TVP23A: variants seen among roughly 807,000 people sequenced by gnomAD.
TVP23A encodes trans-golgi network vesicle protein 23 homolog A.
Under a neutral mutation model 31.7 loss-of-function variants are expected in TVP23A, and 21 were observed. That is an observed-to-expected ratio of 0.66 (90% CI 0.47 to 0.95). The LOEUF (loss-of-function observed/expected upper bound fraction) is 0.95. Ranked by LOEUF, TVP23A falls within the 40% of genes least tolerant of loss-of-function variation. The pLI, the probability that TVP23A is intolerant of heterozygous loss-of-function variation, is 0.00. For synonymous variants in TVP23A, 104 were observed against 96.0 expected (o/e 1.08, Z -0.49); for missense variants, 279 against 255.6 (o/e 1.09, Z -0.62).
In TVP23A at chr16:10,767,581, A is replaced by G. The variant is rs1596482088; in HGVS notation, c.*1521T>C. 2.2e-6 allele frequency: 1 copy of G among 454,158 alleles called. No individual in the cohort carries two copies. The highest frequency in any genetic ancestry group is 3.3e-5 in the East Asian group (1 of 30,124). 28.1% of individuals were successfully genotyped at this position (454,158 alleles called of 1,614,324 possible). On this transcript the variant is annotated 3_prime_UTR_variant, in exon 8 of 8. Coordinates refer to ENST00000299866, the MANE Select transcript of TVP23A (RefSeq NM_001079512.4). The surrounding 1 kb of genome is among the most constrained non-coding windows in gnomAD (Gnocchi z 4.6). ...CTTTTCGGACTTGGCCTTTTATGCC[A>G]TATCCTTTTGCATTCTGTACTTTTT... is the stretch of plus-strand genomic sequence containing the variant.
intron 2 of TVP23A, among the ~76,000 whole-genome samples, chr16:10,775,986 T>G (rs901626718): frequency 4.6e-5 from 7 of 150,776 alleles, no homozygotes; most frequent in Non-Finnish European, 1.0e-4. Context: ...TGACCTCAGG[T>G]GATCTGTCCA....
rs115806726 is a variant in TVP23A at position 10,799,166 on chromosome 16, A to T, written c.89+18937T>A. On this transcript the variant is annotated intron_variant, in intron 2 of 7. Coordinates refer to ENST00000299866, the MANE Select transcript of TVP23A (RefSeq NM_001079512.4). ...TGACTGCAGCTCTGAGCAACCTCTG[A>T]CTACAACCTCTGGAGACCCTGAGCC... 9.9e-3 allele frequency among the ~76,000 whole-genome samples: 1,510 copies of T among 152,276 alleles called. 27 individuals are homozygous for T. Among genetic ancestry groups the T allele is most frequent in the African/African-American group, 0.034 (1,425 of 41,554 alleles).
chr16:10,805,602 C>T (rs935777560), intron 2 of TVP23A, among the ~76,000 whole-genome samples: 1 of 149,990 alleles, frequency 6.7e-6, no homozygotes, highest in Non-Finnish European at 1.5e-5. Flanking sequence ...ATGGAACCCC[C>T]GAGGCTGGGC....
chr16:10,778,992 G>C (rs1018952097), intron 2 of TVP23A, among the ~76,000 whole-genome samples: 3 of 152,190 alleles, frequency 2.0e-5, no homozygotes, highest in African/African-American at 7.2e-5. Flanking sequence ...AAATGTCAAA[G>C]TGTGAGCCAA....
At chr16:10,761,842 C>T, downstream of TVP23A, 1 of 1,613,984 alleles carries the variant, frequency 6.2e-7, no homozygotes, top group Non-Finnish European at 8.5e-7. Flanking sequence ...GGCAGAGTGC[C>T]CCTGGATCCG....
Position 10,767,458 on chromosome 16 carries a change from G to C in TVP23A, c.*1644C>G, listed in dbSNP as rs1034539795. The C allele has an allele frequency of 2.5e-6, 1 of 395,906 alleles. No individual in the cohort carries two copies. Among genetic ancestry groups the C allele is most frequent in the Admixed American group, 4.4e-5 (1 of 22,822 alleles). The allele number at this position is 395,906 out of a possible 1,614,324, so 24.5% of individuals were successfully genotyped here. A position where few individuals can be genotyped will look rare whatever the true frequency, so the allele number is the denominator to read the frequency against. On this transcript the variant is annotated 3_prime_UTR_variant, in exon 8 of 8. Transcript: ENST00000299866. This position sits in a 1 kb window ranked among gnomAD's most constrained non-coding sequence, Gnocchi z 4.6. ...TCATGTGCTCCCATTCGTATTTTAG[G>C]TATATGAGAGTGTGTGTATGTGTGT...
intron 7 of TVP23A, 81 bp downstream of exon 7, chr16:10,770,190 AC>A: frequency 6.6e-7 from 1 of 1,514,682 alleles, no homozygotes. Context: ...GCCCACCCAG[AC>A]CCCGGGCCCC....
intron 6 of TVP23A, among the ~76,000 whole-genome samples, chr16:10,770,868 C>CAAAAAAAAAAAAAA (rs376701429): frequency 3.0e-4 from 20 of 66,442 alleles, no homozygotes; most frequent in South Asian, 9.8e-4. Context: ...ACTCCCATCT[C>CAAAAAAAAAAAAAA]AAAAAAAAAA....
intron 3 of TVP23A, among the ~76,000 whole-genome samples, chr16:10,774,680 G>A (rs984017812): frequency 8.7e-5 from 13 of 148,738 alleles, no homozygotes; most frequent in Admixed American, 2.7e-4. Context: ...GCACAACCTC[G>A]GCTCACTGCA....
intron 2 of TVP23A, among the ~76,000 whole-genome samples, chr16:10,800,990 C>CA: frequency 6.6e-6 from 1 of 152,148 alleles, no homozygotes; most frequent in African/African-American, 2.4e-5. Context: ...GACCCTGTCT[C>CA]AAAAAATATA....
rs144742970 is a variant in TVP23A at position 10,769,372 on chromosome 16, G to C, written c.*1-271C>G. 3.8e-5 allele frequency: 15 copies of C among 390,950 alleles called. No homozygotes were observed. In the East Asian group the frequency reaches 5.9e-4, roughly 15 times the overall value. 24.2% of individuals were successfully genotyped at this position (390,950 alleles called of 1,614,324 possible). Reference sequence around the variant, plus strand: ...ATCTCTCCCCCGAGGCCTGTTTCACGTAAAAAACAAATGGGTTGTGGGATC... The same window carrying C: ...ATCTCTCCCCCGAGGCCTGTTTCACCTAAAAAACAAATGGGTTGTGGGATC... On this transcript the variant is annotated intron_variant, in intron 7 of 7. Transcript: ENST00000299866.
intron 2 of TVP23A, among the ~76,000 whole-genome samples, chr16:10,786,843 G>A (rs1364908387): frequency 6.6e-6 from 1 of 151,994 alleles, no homozygotes; most frequent in Non-Finnish European, 1.5e-5. Flanking sequence ...GGCAGAAGCA[G>A]CCCTGACTTT....
At chr16:10,784,416 C>G (rs1019850302) in intron 2 of TVP23A, among the ~76,000 whole-genome samples, 1 of 151,160 alleles carries the variant, frequency 6.6e-6, no homozygotes, top group Non-Finnish European at 1.5e-5. Flanking sequence ...AGAAAATTAG[C>G]CAGGCATGGT....
rs761359520 is a variant in TVP23A, at chr16:10,773,467, TC to T, written c.325-27del. ...CTGTTAAAGGAAAGTAATTCAAATG[TC>T]AAAACAAGTGGAAATGGTTGCAAAC... On this transcript the variant is annotated intron_variant, in intron 4 of 7. Coordinates refer to ENST00000299866, the MANE Select transcript of TVP23A (RefSeq NM_001079512.4). 3.1e-5 allele frequency: 48 copies of T among 1,558,278 alleles called. 1 individual carries two copies. In the South Asian group the frequency reaches 5.5e-4, roughly 18 times the overall value.
chr16:10,761,747 T>G, downstream of TVP23A: 1 of 1,608,026 alleles, frequency 6.2e-7, no homozygotes, highest in Non-Finnish European at 8.5e-7. Context: ...CCTTTGAATT[T>G]GCCTTGCAGA....
downstream of TVP23A, chr16:10,761,007 C>A (rs1900922138): frequency 5.1e-6 from 1 of 197,276 alleles, no homozygotes; most frequent in South Asian, 9.5e-5. Context: ...GCAAAGCAGG[C>A]ACATGTTACA....
At position 10,773,366 on chromosome 16, in the gene TVP23A, T is replaced by C. The variant is rs1227939970; in HGVS notation, c.400A>G (p.Ile134Val). 6.2e-7 allele frequency: 1 copy of C among 1,612,260 alleles called. No homozygotes were observed. Among genetic ancestry groups the C allele is most frequent in the Non-Finnish European group, 8.5e-7 (1 of 1,179,538 alleles). ...GTGCTAAAAAAAAACACAATCCATA[T>C]CATGGGGCAGATTATGAGGCCCAGC... ...FWLGLIICPMIWIVFFFSTLF... is the reference protein window; with the variant it reads ...FWLGLIICPMVWIVFFFSTLF... Residue 134 changes from isoleucine (I) to valine (V), a missense_variant, in exon 5 of 8, where the codon ATA becomes GTA. Physicochemically the swap from Ile to Val is conservative, Grantham distance 29. Transcript: ENST00000299866.
At chr16:10,790,180 T>C (rs2033017830) in intron 2 of TVP23A, among the ~76,000 whole-genome samples, 1 of 152,066 alleles carries the variant, frequency 6.6e-6, no homozygotes, top group South Asian at 2.1e-4. Context: ...AATCTAGCTA[T>C]GTTAATAGAG....
chr16:10,797,405 A>T (rs895042972), intron 2 of TVP23A, among the ~76,000 whole-genome samples: 1 of 151,938 alleles, frequency 6.6e-6, no homozygotes, highest in Non-Finnish European at 1.5e-5. Flanking sequence ...ATAAAAGAAT[A>T]GCCAGGCATG....
Sources: allele counts gnomAD v4.1 joint callset (sites outside exome capture counted in the v4.1 genomes callset), GRCh38; gene constraint gnomAD v4.1.1; non-coding constraint Gnocchi (gnomAD v3.1); transcripts MANE v1.5; gene names NCBI Gene and HGNC (gene_info 2026-07-23, HGNC 2026-07-21).